ZCCHC4: variants seen among roughly 807,000 people sequenced by gnomAD.
The protein encoded by ZCCHC4 is rRNA N(6)-adenosine-methyltransferase ZCCHC4.
Under a neutral mutation model 67.7 loss-of-function variants are expected in ZCCHC4, and 54 were observed. The ratio of observed to expected loss-of-function variants is 0.80; its 90% confidence interval spans 0.64 to 1.00. ZCCHC4 has a LOEUF of 1.00. Among genes scored for constraint, ZCCHC4 ranks in the 50% least tolerant of loss-of-function variants. ZCCHC4 has a pLI of 0.00. For missense variants in ZCCHC4, 609 were observed against 617.0 expected, an observed-to-expected ratio of 0.99 and a Z score of 0.14; for synonymous variants, 198 against 213.5, an observed-to-expected ratio of 0.93 and a Z score of 0.63.
At chr4:25,365,956 A>G in intron 12 of ZCCHC4, 2 of 983,146 alleles carry the variant, frequency 2.0e-6, no homozygotes, top group Non-Finnish European at 2.4e-6. Flanking sequence ...ACAGTTATTA[A>G]TTGGAGATTA....
At chr4:25,358,523 G>A (rs542741623) in intron 8 of ZCCHC4, among the ~76,000 whole-genome samples, 11 of 152,234 alleles carry the variant, frequency 7.2e-5, no homozygotes, top group Non-Finnish European at 1.5e-4. Flanking sequence ...ACTAGACAAT[G>A]TGAATTTGTC....
At chr4:25,333,593 C>G in intron 4 of ZCCHC4, 135 bp downstream of exon 4, 1 of 1,013,046 alleles carries the variant, frequency 9.9e-7, no homozygotes, top group Non-Finnish European at 1.4e-6. Context: ...AGCACAGTCC[C>G]TCTCTTAAGG....
At chr4:25,325,362 A>C (rs1440619271) in intron 3 of ZCCHC4, among the ~76,000 whole-genome samples, 1 of 127,022 alleles carries the variant, frequency 7.9e-6, no homozygotes, top group Non-Finnish European at 1.6e-5. Context: ...CTGTCTCCTG[A>C]GTTCAAGTGA....
rs1237602069 is a variant in ZCCHC4 at position 25,369,196 on chromosome 4, A to T, written c.*32A>T. 1 of 1,606,516 alleles carries T rather than the reference A, an allele frequency of 6.2e-7. No homozygotes were observed. Among genetic ancestry groups the T allele is most frequent in the Admixed American group, 1.7e-5 (1 of 57,736 alleles). On this transcript the variant is annotated 3_prime_UTR_variant, in exon 13 of 13. Coordinates refer to ENST00000302874, the MANE Select transcript of ZCCHC4 (RefSeq NM_024936.3). ...AGTGACTGGAGAATAAGAAAGATTT[A>T]TGGTCCAACCTTTGATGCCATTTTC...
At chr4:25,365,284 A>G in intron 12 of ZCCHC4, 118 bp downstream of exon 12, 6 of 1,502,080 alleles carry the variant, frequency 4.0e-6, no homozygotes, top group Non-Finnish European at 5.3e-6. Flanking sequence ...CACTTTCACT[A>G]TTAAGTACTG....
chr4:25,320,578 C>T (rs563548656), intron 3 of ZCCHC4, among the ~76,000 whole-genome samples: 11 of 152,228 alleles, frequency 7.2e-5, no homozygotes, highest in Middle Eastern at 3.4e-3. Context: ...GTTGTAAATA[C>T]GAATAAGGGG....
At chr4:25,358,973 C>T (rs1040111231) in intron 8 of ZCCHC4, among the ~76,000 whole-genome samples, 1 of 152,174 alleles carries the variant, frequency 6.6e-6, no homozygotes, top group African/African-American at 2.4e-5. Context: ...CCCCTTGGTC[C>T]TCTGTTTGGG....
intron 1 of ZCCHC4, among the ~76,000 whole-genome samples, chr4:25,313,602 G>A (rs1718073784): frequency 6.6e-6 from 1 of 152,214 alleles, no homozygotes; most frequent in Admixed American, 6.5e-5. Context: ...AGAAGCCGGC[G>A]TGGTGGCGTG....
chr4:25,335,716 C>A (rs139777773), intron 5 of ZCCHC4, among the ~76,000 whole-genome samples: 1 of 152,140 alleles, frequency 6.6e-6, no homozygotes, highest in Non-Finnish European at 1.5e-5. Flanking sequence ...GCCGAGATTG[C>A]GCCACTGCAT....
chr4:25,313,253 A>G (rs965123295), intron 1 of ZCCHC4, among the ~76,000 whole-genome samples: 2 of 152,126 alleles, frequency 1.3e-5, no homozygotes, highest in Non-Finnish European at 2.9e-5. Flanking sequence ...TCATTTGTTG[A>G]TTTGCTCTCC....
At position 25,361,905 on chromosome 4, in the gene ZCCHC4, G is replaced by A. The variant is rs747446346; in HGVS notation, c.1058G>A (p.Arg353Gln). ...CTTTATAAACACGGAAAGACAGGTC[G>A]AAAACAGTCTCCCGTGCGTATTTTC... is the stretch of plus-strand genomic sequence containing the variant. ...HALYKHGKTG[R>Q]KQSPVRIFTN... The change falls in exon 9 of 13, where the codon CGA becomes CAA. Residue 353 changes from arginine (R) to glutamine (Q), a missense_variant. By Grantham distance (43) the Arg-to-Gln change is conservative. Transcript: ENST00000302874. 35 of 1,613,638 alleles carry A rather than the reference G, an allele frequency of 2.2e-5. No individual in the cohort carries two copies. The highest frequency in any genetic ancestry group is 5.5e-5 in the South Asian group (5 of 90,984).
chr4:25,312,786 G>A lies in ZCCHC4; in HGVS notation c.-24G>A. ...TCTCAGCATTCTTGTTTCGTACTGA[G>A]GCTTTCGGGACGGCGGCGGGAAGAT... On this transcript the variant is annotated 5_prime_UTR_variant, in exon 1 of 13. Coordinates refer to ENST00000302874, the MANE Select transcript of ZCCHC4 (RefSeq NM_024936.3). 1.2e-6 allele frequency: 2 copies of A among 1,612,890 alleles called. No homozygotes were observed. The highest frequency in any genetic ancestry group is 1.3e-5 in the African/African-American group (1 of 75,034).
intron 8 of ZCCHC4, among the ~76,000 whole-genome samples, chr4:25,355,087 A>G (rs1378287775): frequency 6.6e-6 from 1 of 152,098 alleles, no homozygotes; most frequent in African/African-American, 2.4e-5. Flanking sequence ...GTGATCAAGC[A>G]CTTGATGAAT....
chr4:25,363,857 G>A (rs1484221726), intron 10 of ZCCHC4, among the ~76,000 whole-genome samples: 1 of 152,158 alleles, frequency 6.6e-6, no homozygotes, highest in Non-Finnish European at 1.5e-5. Context: ...GGTGTTATTT[G>A]GAGGGGAAGG....
chr4:25,341,158 G>A (rs1189972749), intron 5 of ZCCHC4, among the ~76,000 whole-genome samples: 2 of 152,078 alleles, frequency 1.3e-5, no homozygotes, highest in African/African-American at 4.8e-5. Flanking sequence ...TAAAAATGCT[G>A]TATATAAAAC....
At chr4:25,314,279 G>C (rs983160126) in intron 2 of ZCCHC4, 115 bp downstream of exon 2, 1 of 648,322 alleles carries the variant, frequency 1.5e-6, no homozygotes, top group South Asian at 2.2e-5. Context: ...AATCTCTTAA[G>C]AGAGATGGAG....
chr4:25,325,170 GGA>G (rs1560400158), intron 3 of ZCCHC4, among the ~76,000 whole-genome samples: 1 of 90,256 alleles, frequency 1.1e-5, no homozygotes, highest in East Asian at 2.4e-4. Context: ...GTGAATCCCG[GGA>G]GGCGGAGCCT....
intron 3 of ZCCHC4, among the ~76,000 whole-genome samples, chr4:25,320,691 T>C (rs1187165049): frequency 2.6e-5 from 4 of 152,240 alleles, no homozygotes; most frequent in Admixed American, 2.6e-4. Context: ...TAATAGTTGC[T>C]GATTATGTTG....
At chr4:25,314,372 T>TC (rs1352120932) in intron 2 of ZCCHC4, among the ~76,000 whole-genome samples, 1 of 152,224 alleles carries the variant, frequency 6.6e-6, no homozygotes, top group Non-Finnish European at 1.5e-5. Flanking sequence ...AAGTCTTATT[T>TC]CCCCATAAGA....
Sources: gnomAD v4.1 joint callset for allele counts (sites outside exome capture counted in the v4.1 genomes callset) on GRCh38, gnomAD v4.1.1 for gene constraint, MANE v1.5 for transcripts, NCBI Gene and HGNC (gene_info 2026-07-23, HGNC 2026-07-21) for gene names.